Variants in NUBPL observed in about 807,000 individuals in gnomAD.
The protein encoded by NUBPL is NUBP iron-sulfur cluster assembly factor, mitochondrial.
Under a neutral mutation model 45.7 loss-of-function variants are expected in NUBPL, and 31 were observed. The observed-to-expected ratio is 0.68, with a 90% CI of 0.51 to 0.92. The LOEUF is 0.92. Ranked by LOEUF, NUBPL falls within the 40% of genes least tolerant of loss-of-function variation. NUBPL has a pLI of 0.00. For synonymous variants in NUBPL, 144 were observed against 140.9 expected (o/e 1.02, Z -0.15); for missense variants, 401 against 398.7 (o/e 1.01, Z -0.05).
At chr14:31,858,847 C>T (rs1019347564) in intron 10 of NUBPL, among the ~76,000 whole-genome samples, 1 of 152,148 alleles carries the variant, frequency 6.6e-6, no homozygotes, top group African/African-American at 2.4e-5. Flanking sequence ...AGTTTGCTGA[C>T]ACCAGAATTA....
At chr14:31,856,583 A>G (rs909475143) in intron 10 of NUBPL, among the ~76,000 whole-genome samples, 1 of 152,246 alleles carries the variant, frequency 6.6e-6, no homozygotes, top group Non-Finnish European at 1.5e-5. Flanking sequence ...CTGTAAAATC[A>G]AAAGCAAGTT....
At chr14:31,681,980 C>T (rs190610472) in intron 6 of NUBPL, among the ~76,000 whole-genome samples, 137 of 152,178 alleles carry the variant, frequency 9.0e-4, no homozygotes, top group African/African-American at 3.2e-3. Context: ...ATATTTCATA[C>T]GCTTTTGGAA....
chr14:31,769,957 C>T (rs2038978934), intron 6 of NUBPL, among the ~76,000 whole-genome samples: 1 of 152,270 alleles, frequency 6.6e-6, no homozygotes, highest in Admixed American at 6.5e-5. Flanking sequence ...ACTGAACTTA[C>T]TCCTTTATTT....
intron 8 of NUBPL, among the ~76,000 whole-genome samples, chr14:31,840,135 G>A (rs79563705): frequency 0.036 from 5,492 of 152,180 alleles, 243 homozygotes; most frequent in East Asian, 0.2. Context: ...ATCAGTTTAC[G>A]AAAGAGATAC....
chr14:31,723,456 T>C (rs1365593389), intron 6 of NUBPL, among the ~76,000 whole-genome samples: 2 of 152,228 alleles, frequency 1.3e-5, no homozygotes, highest in African/African-American at 4.8e-5. Context: ...AATTTTAAAA[T>C]AGTTTTTTCT....
At chr14:31,732,403 G>T (rs1566529426) in intron 6 of NUBPL, among the ~76,000 whole-genome samples, 1 of 151,806 alleles carries the variant, frequency 6.6e-6, no homozygotes, top group Non-Finnish European at 1.5e-5. Flanking sequence ...GATTTATTGT[G>T]CTTAAAAATG....
intron 4 of NUBPL, among the ~76,000 whole-genome samples, chr14:31,630,402 C>T (rs576137856): frequency 2.0e-5 from 3 of 152,200 alleles, no homozygotes; most frequent in Admixed American, 6.5e-5. Flanking sequence ...TTTGTTCAGT[C>T]CTGGGGGATA....
At position 31,813,027 on chromosome 14, in the gene NUBPL, T is replaced by C. The variant is rs1236605536; in HGVS notation, c.608-13602T>C. Among the ~76,000 whole-genome samples the C allele has an allele frequency of 2.0e-5, 3 of 147,312 alleles. No homozygotes were observed. In the East Asian group the frequency reaches 6.1e-4, roughly 30 times the overall value. On this transcript the variant is annotated intron_variant, in intron 7 of 10. Coordinates refer to ENST00000281081, the MANE Select transcript of NUBPL (RefSeq NM_025152.3). ...TGAGGTGGAGTCTTGCTCTGTCGCC[T>C]AGGCTGGAGTGCAGTGTAGTGGTGT...
At chr14:31,854,055 T>C (rs1267067149) in intron 10 of NUBPL, among the ~76,000 whole-genome samples, 1 of 152,228 alleles carries the variant, frequency 6.6e-6, no homozygotes, top group Non-Finnish European at 1.5e-5. Context: ...TTTCAAATAT[T>C]AGTGGGAACT....
At chr14:31,681,929 CT>C (rs1479433644) in intron 6 of NUBPL, among the ~76,000 whole-genome samples, 1 of 152,066 alleles carries the variant, frequency 6.6e-6, no homozygotes, top group African/African-American at 2.4e-5. Context: ...TTGAGATTTT[CT>C]TTTTGTGGAC....
intron 6 of NUBPL, among the ~76,000 whole-genome samples, chr14:31,764,924 T>G (rs1471432035): frequency 6.6e-6 from 1 of 152,226 alleles, no homozygotes; most frequent in African/African-American, 2.4e-5. Context: ...ACCGATATCT[T>G]TATCATCTGC....
At chr14:31,789,089 G>A (rs1202682528) in intron 7 of NUBPL, among the ~76,000 whole-genome samples, 3 of 152,140 alleles carry the variant, frequency 2.0e-5, no homozygotes, top group Non-Finnish European at 4.4e-5. Flanking sequence ...CACCTTGGGA[G>A]GCCGAGGTGG....
chr14:31,635,373 C>T (rs1361807624), intron 4 of NUBPL, among the ~76,000 whole-genome samples: 1 of 152,048 alleles, frequency 6.6e-6, no homozygotes, highest in Non-Finnish European at 1.5e-5. Flanking sequence ...TTATTTTTCT[C>T]AGGTTTGTCA....
intron 4 of NUBPL, among the ~76,000 whole-genome samples, chr14:31,612,774 G>T (rs1175018868): frequency 1.3e-5 from 2 of 152,172 alleles, no homozygotes; most frequent in Non-Finnish European, 2.9e-5. Flanking sequence ...AGTTAAAATG[G>T]CTTATATCCA....
chr14:31,640,027 T>C (rs2035636873), intron 4 of NUBPL, among the ~76,000 whole-genome samples: 1 of 152,210 alleles, frequency 6.6e-6, no homozygotes, highest in Non-Finnish European at 1.5e-5. Flanking sequence ...CCCTGACCCG[T>C]TGTGCTTCCT....
At chr14:31,812,919 A>G (rs568149256) in intron 7 of NUBPL, among the ~76,000 whole-genome samples, 2 of 151,448 alleles carry the variant, frequency 1.3e-5, no homozygotes, top group South Asian at 4.2e-4. Context: ...TTTAAAATCC[A>G]TGAAGGCCTC....
chr14:31,673,106 A>G (rs1019469765), intron 4 of NUBPL, among the ~76,000 whole-genome samples: 2 of 152,202 alleles, frequency 1.3e-5, no homozygotes, highest in Non-Finnish European at 2.9e-5. Flanking sequence ...TAGACTTTAA[A>G]TGTTTTTACT....
chr14:31,798,601 G>A lies in NUBPL; in HGVS notation c.607+10728G>A, dbSNP rs1412606715. On this transcript the variant is annotated intron_variant, in intron 7 of 10. Transcript: ENST00000281081. ...GGGTCGGGAGAACGAGACCATCCTGGCTAACACGGTGAAACCCTGTCTCTA... is the reference window on the plus strand; with the variant it reads ...GGGTCGGGAGAACGAGACCATCCTGACTAACACGGTGAAACCCTGTCTCTA... Among the ~76,000 whole-genome samples the A allele has an allele frequency of 2.0e-5, 3 of 151,228 alleles. No individual in the cohort carries two copies. The South Asian group carries it at 6.2e-4, about 31-fold the overall frequency.
chr14:31,595,828 G>T (rs1039473258), intron 3 of NUBPL, among the ~76,000 whole-genome samples: 15 of 151,632 alleles, frequency 9.9e-5, no homozygotes, highest in Non-Finnish European at 1.9e-4. Flanking sequence ...AACTGTACTG[G>T]TCTGGTAGCT....
Sources: gnomAD v4.1 joint callset for allele counts (sites outside exome capture counted in the v4.1 genomes callset) on GRCh38, gnomAD v4.1.1 for gene constraint, MANE v1.5 for transcripts, NCBI Gene and HGNC (gene_info 2026-07-23, HGNC 2026-07-21) for gene names.